Variants in ABCC1 observed in about 807,000 individuals in gnomAD.
ABCC1 encodes the protein ATP binding cassette subfamily C member 1 (ABCC1 blood group), also known as multidrug resistance-associated protein 1.
ABCC1 carries 83 observed loss-of-function variants against 172.9 expected under a neutral mutation model. The observed-to-expected ratio is 0.48, with a 90% CI of 0.40 to 0.58. The LOEUF is 0.58. Among genes scored for constraint, ABCC1 ranks in the 20% least tolerant of loss-of-function variants. ABCC1 has a pLI of 0.00. For synonymous variants in ABCC1, 937 were observed against 825.2 expected, an observed-to-expected ratio of 1.14 and a Z score of -2.32; for missense variants, 1,817 against 2,002.7, an observed-to-expected ratio of 0.91 and a Z score of 1.77.
chr16:16,079,780 A>G (rs1274311642), intron 16 of ABCC1, among the ~76,000 whole-genome samples: 1 of 150,984 alleles, frequency 6.6e-6, no homozygotes, highest in East Asian at 1.9e-4. Flanking sequence ...CTCTTTATTA[A>G]GCTGTTATTT....
chr16:16,109,032 C>A (rs758847668), intron 21 of ABCC1, among the ~76,000 whole-genome samples: 1 of 152,176 alleles, frequency 6.6e-6, no homozygotes, highest in Non-Finnish European at 1.5e-5. Context: ...TAAACACATT[C>A]TTAATTATGA....
chr16:15,986,960 T>A (rs565268375), intron 1 of ABCC1, among the ~76,000 whole-genome samples: 10 of 151,716 alleles, frequency 6.6e-5, no homozygotes, highest in Admixed American at 2.0e-4. Flanking sequence ...AGCTCAGGAG[T>A]TTGAGACCAG....
At chr16:15,976,643 T>C (rs2046498305) in intron 1 of ABCC1, among the ~76,000 whole-genome samples, 1 of 152,142 alleles carries the variant, frequency 6.6e-6, no homozygotes, top group African/African-American at 2.4e-5. Flanking sequence ...GTCAGTCTAC[T>C]AAGGGGGCTT....
chr16:16,131,425 A>G (rs1249604589), intron 26 of ABCC1, among the ~76,000 whole-genome samples: 1 of 152,182 alleles, frequency 6.6e-6, no homozygotes, highest in Non-Finnish European at 1.5e-5. Flanking sequence ...GAGCCCTGGG[A>G]TACAGCAGTG....
chr16:16,011,773 G>A (rs900837140), intron 3 of ABCC1, among the ~76,000 whole-genome samples: 1 of 152,040 alleles, frequency 6.6e-6, no homozygotes, highest in African/African-American at 2.4e-5. Flanking sequence ...GGATTCAAGC[G>A]ATTCTCCTGC....
chr16:15,968,230 T>A (rs147793064), intron 1 of ABCC1, among the ~76,000 whole-genome samples: 22 of 152,136 alleles, frequency 1.4e-4, no homozygotes, highest in Non-Finnish European at 2.9e-5. Context: ...AGACAGGGTT[T>A]GCTGTGTTAG....
intron 5 of ABCC1, among the ~76,000 whole-genome samples, chr16:16,030,280 T>C (rs867457080): frequency 1.3e-5 from 2 of 152,268 alleles, no homozygotes; most frequent in South Asian, 4.2e-4. Context: ...CCCACCACTT[T>C]GGGAAGCCAC....
chr16:15,958,128 C>T (rs183393682), intron 1 of ABCC1, among the ~76,000 whole-genome samples: 85 of 151,972 alleles, frequency 5.6e-4, no homozygotes, highest in East Asian at 3.5e-3. Context: ...TTTTTTGAGA[C>T]GAAGTCTCGC....
At chr16:16,065,542 C>T (rs1237486458) in intron 12 of ABCC1, among the ~76,000 whole-genome samples, 1 of 152,168 alleles carries the variant, frequency 6.6e-6, no homozygotes, top group African/African-American at 2.4e-5. Context: ...AAGTGATTCT[C>T]CTACTTCAGC....
intron 1 of ABCC1, among the ~76,000 whole-genome samples, chr16:15,963,526 G>C (rs543007321): frequency 6.6e-6 from 1 of 152,310 alleles, no homozygotes; most frequent in South Asian, 2.1e-4. Context: ...TGGACATCCA[G>C]GCATTTGCAT....
intron 7 of ABCC1, 53 bp downstream of exon 7, chr16:16,036,656 T>A: frequency 6.3e-7 from 1 of 1,588,024 alleles, no homozygotes. Context: ...TCCTTTCCAC[T>A]CCTGTGGCCT....
intron 20 of ABCC1, among the ~76,000 whole-genome samples, chr16:16,104,633 G>T (rs1327118622): frequency 1.3e-5 from 2 of 152,228 alleles, no homozygotes; most frequent in Non-Finnish European, 2.9e-5. Context: ...TGGGGCTGCA[G>T]GTGGAGCTGC....
chr16:16,049,832 C>T (rs1037586805), intron 10 of ABCC1, among the ~76,000 whole-genome samples: 4 of 151,964 alleles, frequency 2.6e-5, no homozygotes, highest in Admixed American at 1.3e-4. Flanking sequence ...TACAGGCTTA[C>T]ACCACCACGC....
chr16:16,096,903 T>A (rs1304691326), intron 19 of ABCC1, among the ~76,000 whole-genome samples: 1 of 105,542 alleles, frequency 9.5e-6, no homozygotes, highest in Middle Eastern at 3.7e-3. Context: ...ATTACAAGTT[T>A]CGTGTGTTTG....
chr16:15,984,073 T>C lies in ABCC1; in HGVS notation c.49-23743T>C, dbSNP rs145787423. 7.2e-5 allele frequency among the ~76,000 whole-genome samples: 11 copies of C among 152,306 alleles called. No homozygotes were observed. The East Asian group carries it at 2.1e-3, about 29-fold the overall frequency. ...TTTCTTTAGCTTAATAAGCAGTTTCTAAGGGAACTCATTGTGTCATTGTTT... is the reference window on the plus strand; with the variant it reads ...TTTCTTTAGCTTAATAAGCAGTTTCCAAGGGAACTCATTGTGTCATTGTTT... On this transcript the variant is annotated intron_variant, in intron 1 of 30. Transcript: ENST00000399410.
chr16:16,128,189 TTTTTG>T (rs1464400790), intron 26 of ABCC1, among the ~76,000 whole-genome samples: 6 of 151,880 alleles, frequency 4.0e-5, no homozygotes, highest in Non-Finnish European at 7.4e-5. Context: ...TTCAGTTTTT[TTTTTG>T]TTTGTTTGAG....
intron 26 of ABCC1, among the ~76,000 whole-genome samples, chr16:16,126,533 G>C (rs573664525): frequency 1.3e-5 from 2 of 152,194 alleles, no homozygotes; most frequent in South Asian, 2.1e-4. Flanking sequence ...ACAGGTGCCT[G>C]TCATCATGCC....
intron 7 of ABCC1, among the ~76,000 whole-genome samples, chr16:16,037,585 C>T (rs540936376): frequency 2.6e-5 from 4 of 152,292 alleles, no homozygotes; most frequent in Admixed American, 6.5e-5. Context: ...CAGTGGATTG[C>T]GGCCATGGGG....
At chr16:16,120,223 C>T (rs1005502157) in intron 23 of ABCC1, among the ~76,000 whole-genome samples, 2 of 151,862 alleles carry the variant, frequency 1.3e-5, no homozygotes, top group Non-Finnish European at 2.9e-5. Context: ...GCAGGGAGGC[C>T]GAGTTCCTAG....
Sources: allele counts gnomAD v4.1 joint callset (sites outside exome capture counted in the v4.1 genomes callset), GRCh38; gene constraint gnomAD v4.1.1; transcripts MANE v1.5; gene names NCBI Gene and HGNC (gene_info 2026-07-23, HGNC 2026-07-21).